Variants in PCDH9 observed in about 807,000 individuals in gnomAD.
PCDH9 encodes the protein protocadherin 9.
PCDH9 carries 24 observed loss-of-function variants against 70.6 expected under a neutral mutation model. The observed-to-expected ratio is 0.34, with a 90% confidence interval of 0.25 to 0.48. The LOEUF is 0.48. PCDH9 is among the 20% of genes least tolerant of loss of function. The probability of loss-of-function intolerance (pLI) is 0.99; values close to 1 mark genes in which losing one functional copy is unlikely to be tolerated. For synonymous variants in PCDH9, 562 were observed against 558.5 expected, an observed-to-expected ratio of 1.01 and a Z score of -0.09; for missense variants, 1,281 against 1,503.6, an observed-to-expected ratio of 0.85 and a Z score of 2.45.
chr13:67,078,436 T>C lies in PCDH9; in HGVS notation c.3036+146969A>G, dbSNP rs2085921130. On this transcript the variant is annotated intron_variant, in intron 2 of 4. Coordinates refer to ENST00000377865, the MANE Select transcript of PCDH9 (RefSeq NM_203487.3). The stretch of plus-strand genomic sequence containing the variant: ...TTCAATGAATGCCTTGTAGGTCTTT[T>C]ACCATCTTAGTGTCTGCTTCTGTTG... Among the ~76,000 whole-genome samples the C allele has an allele frequency of 4.6e-5, 7 of 152,312 alleles. No individual in the cohort carries two copies. The South Asian group carries it at 1.5e-3, about 32-fold the overall frequency.
intron 4 of PCDH9, among the ~76,000 whole-genome samples, chr13:66,436,049 T>G (rs775262168): frequency 6.6e-6 from 1 of 152,188 alleles, no homozygotes; most frequent in Non-Finnish European, 1.5e-5. Flanking sequence ...GTAATCATAA[T>G]AAATCTCAAT....
intron 3 of PCDH9, among the ~76,000 whole-genome samples, chr13:66,661,514 A>C (rs1043429726): frequency 1.3e-5 from 2 of 152,174 alleles, no homozygotes; most frequent in African/African-American, 4.8e-5. Context: ...TACCACTGAG[A>C]GGTCCCCTGA....
intron 3 of PCDH9, among the ~76,000 whole-genome samples, chr13:66,634,145 T>C (rs902493443): frequency 2.0e-5 from 3 of 152,196 alleles, no homozygotes; most frequent in Middle Eastern, 3.2e-3. Context: ...ATATAATGTT[T>C]AAACTATGGA....
At chr13:66,985,404 C>T (rs137896057) in intron 2 of PCDH9, 12 of 151,946 alleles carry the variant, frequency 7.9e-5, no homozygotes, top group Non-Finnish European at 1.5e-4. Flanking sequence ...TAAATTGTTT[C>T]CATAATTTGA....
At chr13:66,923,451 C>T (rs2082669325) in intron 2 of PCDH9, among the ~76,000 whole-genome samples, 1 of 151,466 alleles carries the variant, frequency 6.6e-6, no homozygotes, top group Non-Finnish European at 1.5e-5. Context: ...TTATCTTAAG[C>T]AAGACAATTA....
intron 3 of PCDH9, among the ~76,000 whole-genome samples, chr13:66,679,979 A>G (rs2078296391): frequency 6.6e-6 from 1 of 151,990 alleles, no homozygotes; most frequent in Non-Finnish European, 1.5e-5. Context: ...AAAAATTCTG[A>G]TAACCTCACT....
chr13:66,637,262 A>G (rs2138953126), intron 3 of PCDH9, among the ~76,000 whole-genome samples: 1 of 152,278 alleles, frequency 6.6e-6, no homozygotes, highest in Admixed American at 6.5e-5. Context: ...TGCTCTGAAT[A>G]TTTGCAGACT....
intron 4 of PCDH9, among the ~76,000 whole-genome samples, chr13:66,446,790 TA>T (rs901528006): frequency 6.6e-5 from 10 of 151,924 alleles, no homozygotes; most frequent in African/African-American, 9.6e-5. Flanking sequence ...CTGTAGACTG[TA>T]AAAAAAATAG....
At chr13:66,561,422 G>A (rs55926228) in intron 4 of PCDH9, among the ~76,000 whole-genome samples, 4,838 of 152,308 alleles carry the variant, frequency 0.032, 253 homozygotes, top group African/African-American at 0.11. Flanking sequence ...CAAGGCACAG[G>A]ACTGGCAGGC....
chr13:66,902,102 G>T (rs1190349890), intron 3 of PCDH9, among the ~76,000 whole-genome samples: 3 of 151,464 alleles, frequency 2.0e-5, no homozygotes, highest in Non-Finnish European at 4.4e-5. Flanking sequence ...TTAGATAGTT[G>T]AAACATACAC....
rs55790436 is a variant in PCDH9, at chr13:66,587,767, C to A, written c.3340+43443G>T. ...CATGGGAATGAATGGTTCAGCAATA[C>A]AACAGAAGTGAACTTGCAGGATTAT... On this transcript the variant is annotated intron_variant, in intron 4 of 4. Coordinates refer to ENST00000377865, the MANE Select transcript of PCDH9 (RefSeq NM_203487.3). 4.0e-3 allele frequency among the ~76,000 whole-genome samples: 589 copies of A among 145,604 alleles called. 5 individuals carry two copies. Among genetic ancestry groups the A allele is most frequent in the African/African-American group, 0.015 (571 of 39,254 alleles).
At chr13:66,372,267 A>G (rs993881672) in intron 4 of PCDH9, among the ~76,000 whole-genome samples, 3 of 151,964 alleles carry the variant, frequency 2.0e-5, no homozygotes, top group African/African-American at 7.2e-5. Context: ...AGAAAAATCA[A>G]TAAAGTGATA....
intron 4 of PCDH9, among the ~76,000 whole-genome samples, chr13:66,497,081 T>A (rs370129496): frequency 4.6e-5 from 7 of 152,308 alleles, no homozygotes; most frequent in African/African-American, 1.7e-4. Flanking sequence ...TTTCAGTTTT[T>A]TTTTTAGACG....
chr13:66,767,024 T>C (rs556118716), intron 3 of PCDH9, among the ~76,000 whole-genome samples: 1 of 152,148 alleles, frequency 6.6e-6, no homozygotes, highest in South Asian at 2.1e-4. Context: ...AATTAATAAA[T>C]TGATAAATAT....
chr13:66,895,412 C>T (rs1371831017), intron 3 of PCDH9, among the ~76,000 whole-genome samples: 1 of 152,160 alleles, frequency 6.6e-6, no homozygotes, highest in African/African-American at 2.4e-5. Flanking sequence ...TGTCTACACC[C>T]TTCTCACATA....
intron 2 of PCDH9, among the ~76,000 whole-genome samples, chr13:67,016,688 A>G (rs7989912): frequency 0.71 from 108,264 of 152,088 alleles, 39,448 homozygotes; most frequent in East Asian, 0.97. Flanking sequence ...GACCCATCAC[A>G]TCACCAAAGC....
chr13:67,012,268 A>G (rs2084466157), intron 2 of PCDH9, among the ~76,000 whole-genome samples: 1 of 151,506 alleles, frequency 6.6e-6, no homozygotes, highest in Non-Finnish European at 1.5e-5. Context: ...GTAACCTTAT[A>G]AATTATAAAA....
intron 2 of PCDH9, among the ~76,000 whole-genome samples, chr13:66,959,377 C>T (rs1279989163): frequency 6.6e-6 from 1 of 152,060 alleles, no homozygotes; most frequent in South Asian, 2.1e-4. Flanking sequence ...ATGGCATGAT[C>T]TCAATAAGAA....
intron 3 of PCDH9, among the ~76,000 whole-genome samples, chr13:66,711,026 A>G (rs2078786127): frequency 6.6e-6 from 1 of 152,108 alleles, no homozygotes; most frequent in Non-Finnish European, 1.5e-5. Context: ...ATATTCACAG[A>G]TATTTGAGAT....
Sources: gnomAD v4.1 joint callset for allele counts (sites outside exome capture counted in the v4.1 genomes callset) on GRCh38, gnomAD v4.1.1 for gene constraint, MANE v1.5 for transcripts, NCBI Gene and HGNC (gene_info 2026-07-23, HGNC 2026-07-21) for gene names.